ZNF16: variants seen among roughly 807,000 people sequenced by gnomAD.
ZNF16 encodes the protein zinc finger protein KOX9.
In ZNF16, 7 loss-of-function variants were observed where a neutral mutation model predicts 9.0. That is an observed-to-expected ratio of 0.78 (90% CI 0.44 to 1.47). ZNF16 has a LOEUF of 1.47. ZNF16 is among the 40% of genes most tolerant of loss of function. The probability of loss-of-function intolerance (pLI) is 0.01; values close to 1 mark genes in which losing one functional copy is unlikely to be tolerated. For synonymous variants in ZNF16, 312 were observed against 301.5 expected (o/e 1.03, Z -0.36); for missense variants, 830 against 854.2 (o/e 0.97, Z 0.35).
rs752876407 is a variant in ZNF16, at chr8:144,931,036, C to T, written c.1751G>A (p.Arg584Gln). The change falls in exon 3 of 3, where the codon CGA becomes CAA. Residue 584 changes from arginine (R) to glutamine (Q), a missense_variant. Coordinates refer to ENST00000394909, the MANE Select transcript of ZNF16 (RefSeq NM_006958.3). ...CTGGTGGTGAATGAGATTTGAGCTT[C>T]GGTTGAAGGCTTTACCACACTGGTT... ...ECNQCGKAFN[R>Q]SSNLIHHQKV... The T allele has an allele frequency of 9.3e-6, 15 of 1,614,186 alleles. No homozygotes were observed. Among genetic ancestry groups the T allele is most frequent in the East Asian group, 2.2e-5 (1 of 44,892 alleles).
chr8:144,930,725 C>T lies in ZNF16; in HGVS notation c.*13G>A, dbSNP rs769927012. On this transcript the variant is annotated 3_prime_UTR_variant, in exon 3 of 3. Coordinates refer to ENST00000394909, the MANE Select transcript of ZNF16 (RefSeq NM_006958.3). Reference sequence around the variant, plus strand: ...GAAACTATGCTCGGTTTCACTCCTGCCAGCCCAACAGCCTATTCCCTGGTG... The same window carrying T: ...GAAACTATGCTCGGTTTCACTCCTGTCAGCCCAACAGCCTATTCCCTGGTG... The T allele has an allele frequency of 1.3e-6, 2 of 1,517,886 alleles. No homozygotes were observed. Among genetic ancestry groups the T allele is most frequent in the Non-Finnish European group, 1.8e-6 (2 of 1,134,998 alleles). The allele number at this position is 1,517,886 out of a possible 1,614,324, so 94.0% of individuals were successfully genotyped here.
intron 1 of ZNF16, among the ~76,000 whole-genome samples, chr8:144,947,025 T>G (rs1833968863): frequency 9.7e-6 from 1 of 103,432 alleles, no homozygotes; most frequent in South Asian, 3.3e-4. Context: ...TATCCTGCTG[T>G]TGGGCCTGTG....
At chr8:144,949,914 G>A (rs560979991) in intron 1 of ZNF16, among the ~76,000 whole-genome samples, 1 of 152,284 alleles carries the variant, frequency 6.6e-6, no homozygotes, top group South Asian at 2.1e-4. Context: ...AAAGAGAAAA[G>A]CCTCTTGCAG....
In ZNF16 at chr8:144,930,893, T is replaced by C. The variant is rs554251883; in HGVS notation, c.1894A>G (p.Ser632Gly). ...IHTGERPYKCSECGKAFSQRS... is the reference protein window; with the variant it reads ...IHTGERPYKCGECGKAFSQRS... ...TGACTGAAGGCTTTCCCACACTCACTGCATTTGTAGGGGCGCTCGCCCGTG... is the reference window on the plus strand; with the variant it reads ...TGACTGAAGGCTTTCCCACACTCACCGCATTTGTAGGGGCGCTCGCCCGTG... Residue 632 changes from serine (S) to glycine (G), a missense_variant, in exon 3 of 3, where the codon AGT becomes GGT. Physicochemically the swap from Ser to Gly is moderately conservative, Grantham distance 56. Coordinates refer to ENST00000394909, the MANE Select transcript of ZNF16 (RefSeq NM_006958.3). 5.0e-6 allele frequency: 8 copies of C among 1,609,584 alleles called. No homozygotes were observed. Among genetic ancestry groups the C allele is most frequent in the Admixed American group, 1.7e-5 (1 of 59,714 alleles).
chr8:144,936,660 C>T (rs749417583), intron 2 of ZNF16, among the ~76,000 whole-genome samples: 13 of 152,188 alleles, frequency 8.5e-5, no homozygotes, highest in Non-Finnish European at 1.9e-4. Flanking sequence ...TTTTCTTTTG[C>T]TTGTTAGCCA....
Position 144,932,402 on chromosome 8 carries a change from A to C in ZNF16, c.385T>G (p.Ser129Ala), listed in dbSNP as rs756882858. 3 of 1,614,106 alleles carry C rather than the reference A, an allele frequency of 1.9e-6. No homozygotes were observed. Among genetic ancestry groups the C allele is most frequent in the Non-Finnish European group, 1.7e-6 (2 of 1,180,022 alleles). ...GVPEGRRLPQ[S>A]LSQEGDFTPA... ...GTGAAGTCCCCCTCCTGGGAGAGGG[A>C]CTGTGGCAGCCTCCTGCCTTCGGGG... The change falls in exon 3 of 3, where the codon TCC becomes GCC. Residue 129 changes from serine to alanine, a missense_variant. Ser to Ala is a moderately conservative substitution (Grantham distance 99). Coordinates refer to ENST00000394909, the MANE Select transcript of ZNF16 (RefSeq NM_006958.3). The surrounding 1 kb of genome is among the most constrained non-coding windows in gnomAD (Gnocchi z 5.0).
At chr8:144,947,643 T>C (rs1833996768) in intron 1 of ZNF16, among the ~76,000 whole-genome samples, 1 of 152,148 alleles carries the variant, frequency 6.6e-6, no homozygotes. Context: ...CATCTTTACT[T>C]GCACCAGCTA....
At chr8:144,946,762 C>T (rs879037229) in intron 1 of ZNF16, among the ~76,000 whole-genome samples, 1 of 75,842 alleles carries the variant, frequency 1.3e-5, no homozygotes, top group African/African-American at 5.4e-5. Flanking sequence ...TGGGCCTGTA[C>T]CCTGCTGTGG....
chr8:144,944,437 G>A (rs1490795795), intron 2 of ZNF16: 2 of 146,382 alleles, frequency 1.4e-5, no homozygotes, highest in East Asian at 2.0e-4. Context: ...GGTTACAGGC[G>A]TGAGCCACCG....
At chr8:144,939,294 T>C (rs1049674708) in intron 2 of ZNF16, among the ~76,000 whole-genome samples, 16 of 152,192 alleles carry the variant, frequency 1.1e-4, no homozygotes, top group African/African-American at 3.9e-4. Flanking sequence ...TTGGTATTAA[T>C]TCATTAAATT....
Position 144,930,492 on chromosome 8 carries a change from C to A in ZNF16, c.*246G>T, listed in dbSNP as rs951625662. On this transcript the variant is annotated 3_prime_UTR_variant, in exon 3 of 3. Coordinates refer to ENST00000394909, the MANE Select transcript of ZNF16 (RefSeq NM_006958.3). ...AATCTTCTCCCTTGTAACAAACGTG[C>A]AGTCCGTTCACAAGCTGTAAAAACA... The A allele has an allele frequency of 2.3e-6, 1 of 438,392 alleles. No individual in the cohort carries two copies. 27.2% of individuals were successfully genotyped at this position (438,392 alleles called of 1,614,324 possible). A position where few individuals can be genotyped will look rare whatever the true frequency, so the allele number is the denominator to read the frequency against.
chr8:144,943,363 T>A (rs1469922375), intron 2 of ZNF16, among the ~76,000 whole-genome samples: 1 of 152,160 alleles, frequency 6.6e-6, no homozygotes, highest in African/African-American at 2.4e-5. Flanking sequence ...ACTGCTTGTG[T>A]GTGTAGACAT....
intron 2 of ZNF16, among the ~76,000 whole-genome samples, chr8:144,934,966 G>T (rs1833645859): frequency 6.6e-6 from 1 of 152,156 alleles, no homozygotes; most frequent in Admixed American, 6.5e-5. Context: ...TGGTGTGGAT[G>T]AAGAGATGGC....
At chr8:144,937,298 G>C (rs746524266) in intron 2 of ZNF16, among the ~76,000 whole-genome samples, 1 of 151,800 alleles carries the variant, frequency 6.6e-6, no homozygotes, top group Non-Finnish European at 1.5e-5. Context: ...ACCATGCCCA[G>C]CTAATTTTTG....
Position 144,946,051 on chromosome 8 carries a change from A to G in ZNF16, c.156T>C (p.Asp52=), listed in dbSNP as rs3735785. 0.24 allele frequency: 386,228 copies of G among 1,613,028 alleles called. 47,350 individuals are homozygous for G. The highest frequency in any genetic ancestry group is 0.34 in the East Asian group (15,128 of 44,844). Reference sequence around the variant, plus strand: ...GAGGGCAGATGGCTTCCAGCTCAGTATCACTACAGCAGGGGGTACCACAGG... The same window carrying G: ...GAGGGCAGATGGCTTCCAGCTCAGTGTCACTACAGCAGGGGGTACCACAGG... ...SAACGTPCCS[D]TELEAICPHY... is the part of the protein sequence containing the mutation. The change falls in exon 2 of 3, where the codon GAT becomes GAC. Residue 52 remains aspartate, a synonymous_variant. Transcript: ENST00000394909.
Position 144,932,846 on chromosome 8 carries a change from C to T in ZNF16, c.197-256G>A, listed in dbSNP as rs922070780. Among the ~76,000 whole-genome samples, 14 of 152,144 alleles carry T rather than the reference C, an allele frequency of 9.2e-5. No individual in the cohort carries two copies. Among genetic ancestry groups the T allele is most frequent in the African/African-American group, 2.9e-4 (12 of 41,406 alleles). ...CCCTGGGACTCCACATCTCAGCAAA[C>T]GTTACTGCGGTCTACCTTCTGGCTC... On this transcript the variant is annotated intron_variant, in intron 2 of 2. Transcript: ENST00000394909. This position sits in a 1 kb window ranked among gnomAD's most constrained non-coding sequence, Gnocchi z 5.0.
At chr8:144,950,037 G>C (rs1172793997) in intron 1 of ZNF16, among the ~76,000 whole-genome samples, 2 of 152,212 alleles carry the variant, frequency 1.3e-5, no homozygotes, top group East Asian at 3.9e-4. Context: ...ACTGCCCTAT[G>C]GTGAGAGGTG....
intron 2 of ZNF16, among the ~76,000 whole-genome samples, chr8:144,943,007 T>C (rs1241903091): frequency 6.6e-6 from 1 of 152,236 alleles, no homozygotes; most frequent in Non-Finnish European, 1.5e-5. Context: ...GGACTCCCTT[T>C]AAAAGCATTC....
chr8:144,935,150 T>C (rs1234082511), intron 2 of ZNF16, among the ~76,000 whole-genome samples: 1 of 152,126 alleles, frequency 6.6e-6, no homozygotes, highest in Non-Finnish European at 1.5e-5. Flanking sequence ...GGGGAAAAAA[T>C]GAGTTCCTCT....
Sources: allele counts gnomAD v4.1 joint callset (sites outside exome capture counted in the v4.1 genomes callset), GRCh38; gene constraint gnomAD v4.1.1; non-coding constraint Gnocchi (gnomAD v3.1); transcripts MANE v1.5; gene names NCBI Gene and HGNC (gene_info 2026-07-23, HGNC 2026-07-21).